The following SYNE2 variants were observed in gnomAD, a reference collection of about 807,000 sequenced individuals.
The protein encoded by SYNE2 is nesprin-2.
Under a neutral mutation model 856.3 loss-of-function variants are expected in SYNE2, and 431 were observed. The observed-to-expected ratio is 0.50, with a 90% CI of 0.47 to 0.55. The LOEUF (loss-of-function observed/expected upper bound fraction) is 0.55. SYNE2 is among the 20% of genes least tolerant of loss of function. SYNE2 has a pLI of 0.00. For synonymous variants in SYNE2, 2,923 were observed against 2,872.3 expected (o/e 1.02, Z -0.56); for missense variants, 8,129 against 8,023.2 (o/e 1.01, Z -0.50).
chr14:63,807,454 T>G (rs77542961), intron 1 of SYNE2, among the ~76,000 whole-genome samples: 1,594 of 152,118 alleles, frequency 0.01, 30 homozygotes, highest in African/African-American at 0.036. Flanking sequence ...TTATGTAAGG[T>G]TTGCAGAAAA....
intron 90 of SYNE2, among the ~76,000 whole-genome samples, chr14:64,165,745 G>A (rs1364423295): frequency 1.3e-5 from 2 of 151,778 alleles, no homozygotes; most frequent in East Asian, 1.9e-4. Flanking sequence ...AACTCTTGAC[G>A]TCAGGTGATC....
At chr14:64,143,722 A>G in intron 82 of SYNE2, 50 bp from the exon 83 acceptor site, 1 of 1,601,904 alleles carries the variant, frequency 6.2e-7, no homozygotes, top group Non-Finnish European at 8.5e-7. Flanking sequence ...AATCCATTTG[A>G]TCTGACCAAC....
intron 1 of SYNE2, among the ~76,000 whole-genome samples, chr14:63,811,631 C>T (rs1025452195): frequency 3.9e-5 from 6 of 152,146 alleles, no homozygotes; most frequent in Non-Finnish European, 5.9e-5. Context: ...CTGGGGAACT[C>T]GCCCCCAATA....
At chr14:63,891,429 C>T (rs569180089) in intron 1 of SYNE2, among the ~76,000 whole-genome samples, 2 of 152,208 alleles carry the variant, frequency 1.3e-5, no homozygotes, top group Admixed American at 1.3e-4. Flanking sequence ...TAAGGTTTGT[C>T]TTGGAGATTA....
intron 99 of SYNE2, among the ~76,000 whole-genome samples, chr14:64,195,527 T>A (rs2098537164): frequency 6.6e-6 from 1 of 152,222 alleles, no homozygotes; most frequent in African/African-American, 2.4e-5. Flanking sequence ...ATCAAATCCA[T>A]AAAAGGAACT....
rs765268548 is a variant in SYNE2 at position 64,214,246 on chromosome 14, C to T, written c.19109C>T (p.Pro6370Leu). 20 of 1,613,868 alleles carry T rather than the reference C, an allele frequency of 1.2e-5. No individual in the cohort carries two copies. Among genetic ancestry groups the T allele is most frequent in the African/African-American group, 5.3e-5 (4 of 74,854 alleles). Residue 6370 changes from proline to leucine, a missense_variant, in exon 106 of 116, where the codon CCC (proline) becomes CTC (leucine). Physicochemically the swap from Pro to Leu is moderately conservative, Grantham distance 98 (BLOSUM62 -3). Coordinates refer to ENST00000555002, the MANE Select transcript of SYNE2 (RefSeq NM_182914.3). Reference sequence around the variant, plus strand: ...GAGAATGAAACAGACATGGAAGACCCCAGAGAAATCCAGACTGATTCTTGG... The same window carrying T: ...GAGAATGAAACAGACATGGAAGACCTCAGAGAAATCCAGACTGATTCTTGG... ...ASENETDMED[P>L]REIQTDSWRK...
intron 8 of SYNE2, among the ~76,000 whole-genome samples, chr14:63,959,541 G>A (rs539659935): frequency 6.6e-6 from 1 of 151,772 alleles, no homozygotes; most frequent in Non-Finnish European, 1.5e-5. Context: ...CAGGTGATTC[G>A]CCGCCTTGAC....
chr14:64,125,094 G>A lies in SYNE2; in HGVS notation c.13438G>A (p.Gly4480Ser). 6.2e-7 allele frequency: 1 copy of A among 1,614,068 alleles called. No homozygotes were observed. Among genetic ancestry groups the A allele is most frequent in the African/African-American group, 1.3e-5 (1 of 75,004 alleles). The change falls in exon 71 of 116, where the codon GGT becomes AGT. Residue 4480 changes from glycine to serine, a missense_variant. Gly to Ser is a moderately conservative substitution (Grantham distance 56). Transcript: ENST00000555002. Reference sequence around the variant, plus strand: ...TGTCAAATAGGTTTCCACAAATATGGGTATTCTACCCAGCGTGACTATGTA... The same window carrying A: ...TGTCAAATAGGTTTCCACAAATATGAGTATTCTACCCAGCGTGACTATGTA... ...LVEPQVSTNM[G>S]ILPSVTMYNF... is the part of the protein sequence containing the mutation.
chr14:64,049,597 T>C lies in SYNE2; in HGVS notation c.7378-14T>C, dbSNP rs1325567113. ...GTGAGTGTTTATTGACTGATCTGTGTGACTTATTTTTAGAAATTATATACC... is the reference window on the plus strand; with the variant it reads ...GTGAGTGTTTATTGACTGATCTGTGCGACTTATTTTTAGAAATTATATACC... On this transcript the variant is annotated splice_polypyrimidine_tract_variant and intron_variant, in intron 46 of 115. Transcript: ENST00000555002. 6.2e-7 allele frequency: 1 copy of C among 1,613,802 alleles called. No homozygotes were observed.
At chr14:63,808,197 A>C (rs1156717000) in intron 1 of SYNE2, among the ~76,000 whole-genome samples, 1 of 151,082 alleles carries the variant, frequency 6.6e-6, no homozygotes, top group Non-Finnish European at 1.5e-5. Context: ...TAAAGTGTTG[A>C]GATTACAGGT....
chr14:63,803,412 A>G (rs1420457855), intron 1 of SYNE2, among the ~76,000 whole-genome samples: 1 of 152,216 alleles, frequency 6.6e-6, no homozygotes, highest in African/African-American at 2.4e-5. Context: ...CCTGCCCCGC[A>G]GAAAGGCAGC....
In SYNE2 at chr14:64,089,588, T is replaced by A. The variant is rs1231775411; in HGVS notation, c.11685T>A (p.Ile3895=). 6.2e-7 allele frequency: 1 copy of A among 1,610,000 alleles called. No homozygotes were observed. The highest frequency in any genetic ancestry group is 8.5e-7 in the Non-Finnish European group (1 of 1,177,164). The change falls in exon 59 of 116, where the codon ATT becomes ATA. Residue 3895 remains isoleucine, a synonymous_variant. Transcript: ENST00000555002. The part of the protein sequence containing the change: ...IQRMADDVVA[I]ESEVKSMEKR... ...TGAAATTCTAGGATGTGGTTGCTAT[T>A]GAATCTGAAGTAAAATCAATGGAAA...
intron 45 of SYNE2, among the ~76,000 whole-genome samples, chr14:64,037,339 G>C (rs957562662): frequency 6.6e-6 from 1 of 150,702 alleles, no homozygotes; most frequent in Non-Finnish European, 1.5e-5. Flanking sequence ...GACTCTTAAC[G>C]AGCATGCTGC....
intron 2 of SYNE2, among the ~76,000 whole-genome samples, chr14:63,917,899 G>A (rs1213607690): frequency 6.6e-6 from 1 of 150,644 alleles, no homozygotes; most frequent in Non-Finnish European, 1.5e-5. Flanking sequence ...TTTGGCTTCT[G>A]GGAACTTTGG....
At chr14:64,186,685 T>C (rs1424943293) in intron 97 of SYNE2, 106 bp downstream of exon 97, 1 of 1,479,834 alleles carries the variant, frequency 6.8e-7, no homozygotes. Context: ...CGGAGGCCCT[T>C]TTCAGTGGGA....
intron 1 of SYNE2, among the ~76,000 whole-genome samples, chr14:63,798,390 T>C (rs1018162572): frequency 2.0e-4 from 30 of 151,820 alleles, no homozygotes; most frequent in African/African-American, 2.9e-4. Flanking sequence ...ACTTGTTTTT[T>C]TTTTTTTCTT....
At chr14:63,967,911 C>G in intron 11 of SYNE2, 65 bp downstream of exon 11, 11 of 1,565,220 alleles carry the variant, frequency 7.0e-6, no homozygotes, top group Non-Finnish European at 9.6e-6. Flanking sequence ...ACCTGTAATC[C>G]CAGCACTTTG....
intron 48 of SYNE2, among the ~76,000 whole-genome samples, chr14:64,055,522 C>G (rs1249570235): frequency 2.0e-5 from 3 of 151,870 alleles, no homozygotes; most frequent in Non-Finnish European, 2.9e-5. Flanking sequence ...GCGCGCGCCA[C>G]CACACCCAAC....
intron 2 of SYNE2, among the ~76,000 whole-genome samples, 191 bp downstream of exon 2, chr14:63,909,418 C>T (rs937168307): frequency 5.9e-5 from 9 of 152,070 alleles, no homozygotes; most frequent in Non-Finnish European, 5.9e-5. Flanking sequence ...GTAAGGAATA[C>T]CTGCAAGGAA....
Sources: allele counts gnomAD v4.1 joint callset (sites outside exome capture counted in the v4.1 genomes callset), GRCh38; gene constraint gnomAD v4.1.1; transcripts MANE v1.5; gene names NCBI Gene and HGNC (gene_info 2026-07-23, HGNC 2026-07-21).